PCDHGA4: variants seen among roughly 807,000 people sequenced by gnomAD.
The protein encoded by PCDHGA4 is protocadherin gamma subfamily A, 4.
In PCDHGA4, 38 loss-of-function variants were observed where a neutral mutation model predicts 54.6. The ratio of observed to expected loss-of-function variants is 0.70; its 90% CI spans 0.54 to 0.91. The LOEUF (loss-of-function observed/expected upper bound fraction) is 0.91, where lower values mean the gene tolerates loss of function less well. Among genes scored for constraint, PCDHGA4 ranks in the 40% least tolerant of loss-of-function variants. PCDHGA4 has a pLI of 0.00. For synonymous variants in PCDHGA4, 511 were observed against 512.9 expected, an observed-to-expected ratio of 1.00 and a Z score of 0.05; for missense variants, 1,298 against 1,220.9, an observed-to-expected ratio of 1.06 and a Z score of -0.94.
chr5:141,360,034 G>A (rs1436602507), intron 1 of PCDHGA4: 2 of 1,398,676 alleles, frequency 1.4e-6, no homozygotes, highest in African/African-American at 1.5e-5. Flanking sequence ...GTATAGATTC[G>A]GAAACAGAAA....
chr5:141,402,229 A>G (rs1263337414), intron 1 of PCDHGA4, among the ~76,000 whole-genome samples: 4 of 152,110 alleles, frequency 2.6e-5, no homozygotes, highest in Non-Finnish European at 5.9e-5. Context: ...ACGTTTTTCC[A>G]GGAATTTTAT....
chr5:141,478,347 C>T, intron 1 of PCDHGA4: 2 of 1,613,802 alleles, frequency 1.2e-6, no homozygotes, highest in Non-Finnish European at 1.7e-6. Context: ...TCCTTGCACG[C>T]GGACGCCGTG....
intron 1 of PCDHGA4, among the ~76,000 whole-genome samples, chr5:141,454,795 A>G (rs79012896): frequency 9.1e-6 from 1 of 110,272 alleles, no homozygotes; most frequent in South Asian, 3.0e-4. Flanking sequence ...CCATGGTTCT[A>G]ATTTTTTTTT....
chr5:141,383,475 G>A (rs762489709), intron 1 of PCDHGA4: 1 of 1,613,594 alleles, frequency 6.2e-7, no homozygotes, highest in African/African-American at 1.3e-5. Flanking sequence ...CTAAGTACCC[G>A]GAACTGGTGC....
chr5:141,441,937 C>T, intron 1 of PCDHGA4: 1 of 344,792 alleles, frequency 2.9e-6, no homozygotes, highest in Non-Finnish European at 5.6e-6. Context: ...GCTGTCCTAC[C>T]ACGTGCTGCA....
chr5:141,398,660 T>C, intron 1 of PCDHGA4: 2 of 1,614,038 alleles, frequency 1.2e-6, no homozygotes, highest in Non-Finnish European at 1.7e-6. Context: ...AACCCAAGTT[T>C]CTCATTAATA....
At chr5:141,457,500 A>G (rs1483244745) in intron 1 of PCDHGA4, among the ~76,000 whole-genome samples, 1 of 152,244 alleles carries the variant, frequency 6.6e-6, no homozygotes, top group African/African-American at 2.4e-5. Context: ...AAATGTAGGC[A>G]AAAAGCTTAA....
intron 1 of PCDHGA4, chr5:141,395,406 G>C (rs923158895): frequency 1.2e-6 from 1 of 833,442 alleles, no homozygotes; most frequent in Non-Finnish European, 1.8e-6. Flanking sequence ...AATAGTCATA[G>C]GTTATTGTTT....
At chr5:141,414,090 A>C (rs2095707874) in intron 1 of PCDHGA4, 4 of 1,598,352 alleles carry the variant, frequency 2.5e-6, no homozygotes, top group Non-Finnish European at 3.4e-6. Context: ...CTGGAGAAAT[A>C]AAAATATCAG....
rs1760516287 is a variant in PCDHGA4 at position 141,357,233 on chromosome 5, T to A, written c.2126T>A (p.Leu709His). The A allele has an allele frequency of 6.2e-7, 1 of 1,613,828 alleles. No individual in the cohort carries two copies. Among genetic ancestry groups the A allele is most frequent in the African/African-American group, 1.3e-5 (1 of 75,040 alleles). ...IPDVLADLGS[L>H]KPSADPDDSG... Reference sequence around the variant, plus strand: ...GATGTCCTGGCTGACTTGGGCAGCCTCAAGCCTTCAGCAGACCCAGACGAC... The same window carrying A: ...GATGTCCTGGCTGACTTGGGCAGCCACAAGCCTTCAGCAGACCCAGACGAC... The change falls in exon 1 of 4, where the codon CTC becomes CAC. Residue 709 changes from leucine (L) to histidine (H), a missense_variant. Leu to His is a moderately conservative substitution (Grantham distance 99, BLOSUM62 -3). Coordinates refer to ENST00000571252, the MANE Select transcript of PCDHGA4 (RefSeq NM_018917.4).
At position 141,431,556 on chromosome 5, in the gene PCDHGA4, C is replaced by G. The variant is rs1561853752; in HGVS notation, c.2515-63251C>G. ...GGCACGCAGCTGCTTGTAGTCAACGCTACCGACCCTGACGAAGGAGTCAAT... is the reference window on the plus strand; with the variant it reads ...GGCACGCAGCTGCTTGTAGTCAACGGTACCGACCCTGACGAAGGAGTCAAT... On this transcript the variant is annotated intron_variant, in intron 1 of 3. Transcript: ENST00000571252. The surrounding 1 kb of genome is among the most constrained non-coding windows in gnomAD (Gnocchi z 4.8). 3 of 1,614,138 alleles carry G rather than the reference C, an allele frequency of 1.9e-6. No individual in the cohort carries two copies. The highest frequency in any genetic ancestry group is 2.5e-6 in the Non-Finnish European group (3 of 1,180,022).
rs781255825 is a variant in PCDHGA4 at position 141,355,260 on chromosome 5, G to A, written c.153G>A (p.Leu51=). 2.5e-6 allele frequency: 4 copies of A among 1,613,544 alleles called. No homozygotes were observed. The highest frequency in any genetic ancestry group is 3.3e-5 in the Admixed American group (2 of 60,030). The change falls in exon 1 of 4, where the codon CTG becomes CTA. Residue 51 remains leucine (L), a synonymous_variant. Coordinates refer to ENST00000571252, the MANE Select transcript of PCDHGA4 (RefSeq NM_018917.4). ...HTRLLQICLL[L]GVLVEIRAEQ... ...GGCTGCTCCAGATCTGCCTTCTCCT[G>A]GGGGTTCTGGTGGAAATCAGGGCCG...
At chr5:141,404,399 G>T (rs1269569845) in intron 1 of PCDHGA4, 2 of 1,613,778 alleles carry the variant, frequency 1.2e-6, no homozygotes, top group African/African-American at 1.3e-5. Context: ...TGATAGCAAT[G>T]AGAATTCTAG....
chr5:141,388,756 A>G, intron 1 of PCDHGA4: 1 of 1,613,956 alleles, frequency 6.2e-7, no homozygotes, highest in South Asian at 1.1e-5. Flanking sequence ...ACCCAATTTG[A>G]CCTGAACTCT....
rs1036223789 is a variant in PCDHGA4, at chr5:141,511,298, G to A, written c.*125G>A. On this transcript the variant is annotated 3_prime_UTR_variant, in exon 4 of 4. Transcript: ENST00000571252. ...GAATACTGGTAGGGGCCAAGGCCAT[G>A]CTCCCCTTGGGAAACAGAAACAAGT... The A allele has an allele frequency of 4.7e-6, 7 of 1,502,412 alleles. No individual in the cohort carries two copies. In the African/African-American group the frequency reaches 8.4e-5, roughly 18 times the overall value. The allele number at this position is 1,502,412 out of a possible 1,614,324, so 93.1% of individuals were successfully genotyped here. A position where few individuals can be genotyped will look rare whatever the true frequency, so the allele number is the denominator to read the frequency against.
At chr5:141,376,920 C>G (rs527270477) in intron 1 of PCDHGA4, 1 of 173,352 alleles carries the variant, frequency 5.8e-6, no homozygotes, top group Non-Finnish European at 1.2e-5. Flanking sequence ...ATCTCCTGAC[C>G]TCATGATCCA....
chr5:141,388,426 T>A, intron 1 of PCDHGA4: 1 of 1,613,864 alleles, frequency 6.2e-7, no homozygotes, highest in Non-Finnish European at 8.5e-7. Flanking sequence ...TTCTCACTGA[T>A]AAATAAAGAG....
intron 1 of PCDHGA4, chr5:141,427,831 G>A (rs2097077070): frequency 6.5e-7 from 1 of 1,539,366 alleles, no homozygotes; most frequent in East Asian, 2.2e-5. Context: ...GTCGCGCAGC[G>A]TGCCTTCGAC....
chr5:141,486,030 C>A lies in PCDHGA4; in HGVS notation c.2515-8777C>A. The A allele has an allele frequency of 6.2e-7, 1 of 1,614,164 alleles. No homozygotes were observed. The highest frequency in any genetic ancestry group is 8.5e-7 in the Non-Finnish European group (1 of 1,180,012). ...ACCTTTTATTTCAGTGGTCATACCC[C>A]TGATCGTGTAAGAAACCTCTTTAGC... On this transcript the variant is annotated intron_variant, in intron 1 of 3. Coordinates refer to ENST00000571252, the MANE Select transcript of PCDHGA4 (RefSeq NM_018917.4). The surrounding 1 kb of genome is among the most constrained non-coding windows in gnomAD (Gnocchi z 5.0).
Sources: gnomAD v4.1 joint callset for allele counts (sites outside exome capture counted in the v4.1 genomes callset) on GRCh38, gnomAD v4.1.1 for gene constraint, Gnocchi (gnomAD v3.1) non-coding constraint, MANE v1.5 for transcripts, NCBI Gene and HGNC (gene_info 2026-07-23, HGNC 2026-07-21) for gene names.